PSD3: variants seen among roughly 807,000 people sequenced by gnomAD.
PSD3 encodes pleckstrin and Sec7 domain containing 3, also known as PH and SEC7 domain-containing protein 3.
PSD3 carries 49 observed loss-of-function variants against 105.5 expected under a neutral mutation model. That is an observed-to-expected ratio of 0.46 (90% CI 0.37 to 0.59). The LOEUF is 0.59. PSD3 is among the 20% of genes least tolerant of loss of function. The pLI, the probability that PSD3 is intolerant of heterozygous loss-of-function variation, is 0.00. For missense variants in PSD3, 1,561 were observed against 1,263.8 expected (o/e 1.24, Z -3.57); for synonymous variants, 557 against 457.8 (o/e 1.22, Z -2.77).
intron 4 of PSD3, among the ~76,000 whole-genome samples, chr8:18,826,441 T>C (rs977475456): frequency 2.6e-5 from 4 of 152,242 alleles, no homozygotes; most frequent in Non-Finnish European, 4.4e-5. Context: ...CCCTTCTAAC[T>C]TGCCTAGTCC....
chr8:18,555,770 CAT>C (rs1307395178), intron 15 of PSD3, among the ~76,000 whole-genome samples: 3 of 152,144 alleles, frequency 2.0e-5, no homozygotes, highest in East Asian at 3.9e-4. Flanking sequence ...AAGAAAAACG[CAT>C]AGTGTTGCCG....
chr8:18,556,438 C>G, intron 14 of PSD3, 86 bp from the exon 15 acceptor site: 1 of 1,405,058 alleles, frequency 7.1e-7, no homozygotes, highest in Non-Finnish European at 9.7e-7. Context: ...ATCCCCTGTG[C>G]TGAATGACTT....
chr8:19,037,051 C>G (rs1261099952), intron 1 of PSD3, among the ~76,000 whole-genome samples: 1 of 152,230 alleles, frequency 6.6e-6, no homozygotes, highest in South Asian at 2.1e-4. Context: ...TTGGGATCAT[C>G]CCATGTGACT....
chr8:19,044,992 C>T (rs1828260569), intron 1 of PSD3, among the ~76,000 whole-genome samples: 1 of 152,122 alleles, frequency 6.6e-6, no homozygotes, highest in Non-Finnish European at 1.5e-5. Context: ...CAAGACCAGC[C>T]AGTCCAACAT....
At chr8:18,581,138 A>G (rs1331231259) in intron 12 of PSD3, among the ~76,000 whole-genome samples, 2 of 152,188 alleles carry the variant, frequency 1.3e-5, no homozygotes, top group African/African-American at 4.8e-5. Context: ...AACGAAGTGG[A>G]TATGAAGTTA....
At chr8:18,832,188 T>C (rs1433344253) in intron 4 of PSD3, among the ~76,000 whole-genome samples, 1 of 152,210 alleles carries the variant, frequency 6.6e-6, no homozygotes, top group Non-Finnish European at 1.5e-5. Flanking sequence ...TTTTAGATGC[T>C]GTAAAAGCCC....
In PSD3 at chr8:18,767,385, CAG is replaced by C. The variant is rs1379537168; in HGVS notation, c.2083-1849_2083-1848del. 3.9e-5 allele frequency among the ~76,000 whole-genome samples: 6 copies of C among 152,152 alleles called. No homozygotes were observed. The East Asian group carries it at 7.7e-4, about 20-fold the overall frequency. On this transcript the variant is annotated intron_variant, in intron 8 of 15. Transcript: ENST00000327040. ...GAGTGCAGGAGAGGAACGCAGAGCA[CAG>C]AGAAGTGTCACAGGTATCATCTCTA...
At chr8:18,886,873 G>T (rs1416012443) in intron 2 of PSD3, 2 of 152,262 alleles carry the variant, frequency 1.3e-5, no homozygotes, top group African/African-American at 4.8e-5. Context: ...AAAGGCGGAA[G>T]CAGCCTGTTC....
intron 4 of PSD3, among the ~76,000 whole-genome samples, chr8:18,851,561 T>C (rs1181479470): frequency 6.6e-6 from 1 of 152,212 alleles, no homozygotes; most frequent in African/African-American, 2.4e-5. Flanking sequence ...TAATCACATG[T>C]CCCACAGCAG....
chr8:19,044,056 C>A (rs1218291716), intron 1 of PSD3, among the ~76,000 whole-genome samples: 1 of 152,170 alleles, frequency 6.6e-6, no homozygotes, highest in African/African-American at 2.4e-5. Context: ...CTGCACAGGC[C>A]TCAGAGCCAC....
intron 1 of PSD3, chr8:18,940,487 C>T (rs575509637): frequency 5.1e-4 from 78 of 152,276 alleles, no homozygotes; most frequent in African/African-American, 1.8e-3. Flanking sequence ...GACTGCTCGA[C>T]CTAGAAGTAA....
At chr8:18,776,471 C>T (rs1006430978) in intron 8 of PSD3, among the ~76,000 whole-genome samples, 1 of 151,386 alleles carries the variant, frequency 6.6e-6, no homozygotes, top group African/African-American at 2.4e-5. Flanking sequence ...GCAACCTATA[C>T]CTCCTAGGTT....
At chr8:18,766,058 G>A (rs896209367) in intron 8 of PSD3, among the ~76,000 whole-genome samples, 3 of 152,228 alleles carry the variant, frequency 2.0e-5, no homozygotes, top group Admixed American at 6.5e-5. Context: ...TGGGCACAGT[G>A]GCTCCTGACT....
chr8:18,847,371 T>C (rs751678380), intron 4 of PSD3, among the ~76,000 whole-genome samples: 3 of 152,190 alleles, frequency 2.0e-5, no homozygotes, highest in Non-Finnish European at 2.9e-5. Flanking sequence ...TCAAGCTGTG[T>C]AGGCAGCCCA....
rs370711003 is a variant in PSD3, at chr8:18,801,807, G to A, written c.1911-425C>T. On this transcript the variant is annotated intron_variant, in intron 6 of 15. Transcript: ENST00000327040. ...CGCGCCACTACACTCCAGCCTAGGC[G>A]ACAGAGTGAGACTCCGTTTCAAAAG... Among the ~76,000 whole-genome samples the A allele has an allele frequency of 9.1e-4, 138 of 152,006 alleles. 1 individual carries two copies. The highest frequency in any genetic ancestry group is 3.2e-3 in the African/African-American group (131 of 41,450).
chr8:18,716,952 C>A (rs1335480052), intron 9 of PSD3, among the ~76,000 whole-genome samples: 1 of 152,206 alleles, frequency 6.6e-6, no homozygotes, highest in Non-Finnish European at 1.5e-5. Context: ...AGGCCCAAGC[C>A]TGGACACCCA....
chr8:18,728,881 CAG>C (rs1803523532), intron 9 of PSD3, among the ~76,000 whole-genome samples: 1 of 152,050 alleles, frequency 6.6e-6, no homozygotes, highest in African/African-American at 2.4e-5. Flanking sequence ...GGGAAGGGGA[CAG>C]AGAGGGTGGA....
chr8:18,876,588 TG>T (rs1195686185), intron 2 of PSD3, among the ~76,000 whole-genome samples: 2 of 151,918 alleles, frequency 1.3e-5, no homozygotes, highest in Non-Finnish European at 1.5e-5. Flanking sequence ...TTGGCAGAGA[TG>T]GGGTTCCACC....
intron 4 of PSD3, among the ~76,000 whole-genome samples, chr8:18,856,190 C>T (rs958950299): frequency 2.0e-5 from 3 of 152,210 alleles, no homozygotes; most frequent in Non-Finnish European, 2.9e-5. Flanking sequence ...AGCACCCCCA[C>T]AAGGACCTCC....
Sources: allele counts gnomAD v4.1 joint callset (sites outside exome capture counted in the v4.1 genomes callset), GRCh38; gene constraint gnomAD v4.1.1; transcripts MANE v1.5; gene names NCBI Gene and HGNC (gene_info 2026-07-23, HGNC 2026-07-21).